The following IGFBP7 variants were observed in gnomAD, a reference collection of about 807,000 sequenced individuals.
The protein encoded by IGFBP7 is insulin like growth factor binding protein 7.
Under a neutral mutation model 29.4 loss-of-function variants are expected in IGFBP7, and 31 were observed. The ratio of observed to expected loss-of-function variants is 1.05; its 90% CI spans 0.79 to 1.42. The LOEUF is 1.42. Ranked by LOEUF, IGFBP7 falls within the 40% of genes most tolerant of loss-of-function variation. The probability of loss-of-function intolerance (pLI) is 0.00; values close to 1 mark genes in which losing one functional copy is unlikely to be tolerated. For missense variants in IGFBP7, 393 were observed against 395.5 expected (o/e 0.99, Z 0.05); for synonymous variants, 172 against 174.9 (o/e 0.98, Z 0.13).
chr4:57,039,435 T>C (rs920197494), intron 2 of IGFBP7, among the ~76,000 whole-genome samples: 2 of 152,180 alleles, frequency 1.3e-5, no homozygotes, highest in Non-Finnish European at 2.9e-5. Flanking sequence ...TGGCAATGTC[T>C]GAAGATGCTT....
At chr4:57,052,292 A>G (rs936519213) in intron 1 of IGFBP7, among the ~76,000 whole-genome samples, 15 of 152,180 alleles carry the variant, frequency 9.9e-5, no homozygotes, top group African/African-American at 3.6e-4. Context: ...AGGTTCCAGG[A>G]GGCTGCCGCA....
chr4:57,059,952 GC>G (rs1688527172), intron 1 of IGFBP7, among the ~76,000 whole-genome samples: 1 of 152,154 alleles, frequency 6.6e-6, no homozygotes, highest in Admixed American at 6.5e-5. Context: ...TCACATTTCA[GC>G]ATTGTATAGC....
chr4:57,037,919 C>T (rs924774277), intron 2 of IGFBP7, among the ~76,000 whole-genome samples: 1 of 152,238 alleles, frequency 6.6e-6, no homozygotes, highest in Non-Finnish European at 1.5e-5. Context: ...GCCTGCAGTT[C>T]TTGCAGTAAG....
chr4:57,100,396 A>G (rs748868189), intron 1 of IGFBP7, among the ~76,000 whole-genome samples: 18 of 152,210 alleles, frequency 1.2e-4, no homozygotes, highest in Non-Finnish European at 2.1e-4. Flanking sequence ...TAAGATTGCT[A>G]ATCTGGCTAT....
intron 1 of IGFBP7, among the ~76,000 whole-genome samples, chr4:57,085,643 TTC>T (rs1725480028): frequency 6.6e-6 from 1 of 152,080 alleles, no homozygotes. Flanking sequence ...GTTATTCCCT[TTC>T]TCTCTCTCAC....
chr4:57,057,159 C>A (rs1038926769), intron 1 of IGFBP7, among the ~76,000 whole-genome samples: 1 of 152,160 alleles, frequency 6.6e-6, no homozygotes. Context: ...GCACATACCA[C>A]CATCCCTGGC....
intron 1 of IGFBP7, among the ~76,000 whole-genome samples, chr4:57,063,886 A>T (rs779153214): frequency 5.3e-5 from 8 of 152,220 alleles, no homozygotes; most frequent in Non-Finnish European, 7.3e-5. Flanking sequence ...AACAGTAGCA[A>T]TTTCATTTAA....
intron 2 of IGFBP7, among the ~76,000 whole-genome samples, chr4:57,035,507 T>A (rs2109737124): frequency 6.6e-6 from 1 of 152,030 alleles, no homozygotes; most frequent in East Asian, 1.9e-4. Context: ...CAGGGTGGAG[T>A]GCAGTGGTGC....
chr4:57,078,240 C>T (rs544625999), intron 1 of IGFBP7, among the ~76,000 whole-genome samples: 27 of 152,234 alleles, frequency 1.8e-4, no homozygotes, highest in Admixed American at 2.6e-4. Context: ...CTGTGAGGTT[C>T]GTACTGTCTC....
In IGFBP7 at chr4:57,040,849, G is replaced by A. The variant is rs375288019; in HGVS notation, c.560C>T (p.Pro187Leu). The A allele has an allele frequency of 1.2e-5, 19 of 1,613,324 alleles. No individual in the cohort carries two copies. Among genetic ancestry groups the A allele is most frequent in the East Asian group, 6.7e-5 (3 of 44,864 alleles). Residue 187 changes from proline (P) to leucine (L), a missense_variant, in exon 2 of 5, where the codon CCG becomes CTG. Physicochemically the swap from Pro to Leu is moderately conservative, Grantham distance 98. Coordinates refer to ENST00000295666, the MANE Select transcript of IGFBP7 (RefSeq NM_001553.3). ...CTTGTTCCAGATGAGGACAGGTGTCGGGATTCCGATGACCTCACAGCTCAA... is the reference window on the plus strand; with the variant it reads ...CTTGTTCCAGATGAGGACAGGTGTCAGGATTCCGATGACCTCACAGCTCAA... ...VYLSCEVIGI[P>L]TPVLIWNKVK...
intron 1 of IGFBP7, among the ~76,000 whole-genome samples, chr4:57,052,513 A>G (rs1229877838): frequency 6.6e-6 from 1 of 152,146 alleles, no homozygotes; most frequent in East Asian, 1.9e-4. Flanking sequence ...CTTTGGGTGG[A>G]AGGAAGACAG....
At chr4:57,065,907 C>T (rs1218390737) in intron 1 of IGFBP7, among the ~76,000 whole-genome samples, 2 of 152,192 alleles carry the variant, frequency 1.3e-5, no homozygotes, top group Non-Finnish European at 2.9e-5. Flanking sequence ...GGTCCTCACT[C>T]CCAGAGGACT....
At chr4:57,102,456 C>G (rs1428355373) in intron 1 of IGFBP7, among the ~76,000 whole-genome samples, 2 of 152,152 alleles carry the variant, frequency 1.3e-5, no homozygotes, top group South Asian at 2.1e-4. Context: ...AAGAGAGTCT[C>G]CTGACTTCTG....
At chr4:57,096,949 T>G (rs1293463528) in intron 1 of IGFBP7, among the ~76,000 whole-genome samples, 1 of 152,206 alleles carries the variant, frequency 6.6e-6, no homozygotes, top group Non-Finnish European at 1.5e-5. Flanking sequence ...TTTCCGCCAA[T>G]AAGACTCTAA....
At chr4:57,041,024 G>A in intron 1 of IGFBP7, 91 bp from the exon 2 acceptor site, 1 of 835,584 alleles carries the variant, frequency 1.2e-6, no homozygotes, top group Non-Finnish European at 2.0e-6. Flanking sequence ...TTTTGTTTAT[G>A]AGGCCATCCC....
chr4:57,072,979 G>A, intron 1 of IGFBP7: 2 of 853,158 alleles, frequency 2.3e-6, no homozygotes, highest in South Asian at 1.3e-5. Context: ...ATGATGTCAG[G>A]ACCATCCTGC....
At chr4:57,092,838 A>G (rs1039804246) in intron 1 of IGFBP7, among the ~76,000 whole-genome samples, 2 of 151,154 alleles carry the variant, frequency 1.3e-5, no homozygotes, top group African/African-American at 2.4e-5. Context: ...TTACAAATAT[A>G]GATTTATAAA....
chr4:57,076,543 C>T (rs888885890), intron 1 of IGFBP7, among the ~76,000 whole-genome samples: 1 of 152,200 alleles, frequency 6.6e-6, no homozygotes, highest in African/African-American at 2.4e-5. Context: ...CGTATGGCTC[C>T]AGCCTGCTCT....
At chr4:57,036,633 T>C (rs1724090558) in intron 2 of IGFBP7, among the ~76,000 whole-genome samples, 1 of 152,188 alleles carries the variant, frequency 6.6e-6, no homozygotes, top group Non-Finnish European at 1.5e-5. Context: ...CTGAAAGGTA[T>C]GGGGCTTGTT....
Sources: allele counts gnomAD v4.1 joint callset (sites outside exome capture counted in the v4.1 genomes callset), GRCh38; gene constraint gnomAD v4.1.1; transcripts MANE v1.5; gene names NCBI Gene and HGNC (gene_info 2026-07-23, HGNC 2026-07-21).